PDK1: variants seen among roughly 807,000 people sequenced by gnomAD.
PDK1 encodes the protein pyruvate dehydrogenase kinase 1, also known as [Pyruvate dehydrogenase (acetyl-transferring)] kinase isozyme 1, mitochondrial.
PDK1 carries 39 observed loss-of-function variants against 54.2 expected under a neutral mutation model. The observed-to-expected ratio is 0.72, with a 90% CI of 0.56 to 0.94. The LOEUF is 0.94. Among genes scored for constraint, PDK1 ranks in the 40% least tolerant of loss-of-function variants. The pLI, the probability that PDK1 is intolerant of heterozygous loss-of-function variation, is 0.00. For missense variants in PDK1, 552 were observed against 566.0 expected, an observed-to-expected ratio of 0.98 and a Z score of 0.25; for synonymous variants, 221 against 207.1, an observed-to-expected ratio of 1.07 and a Z score of -0.58.
At chr2:172,686,597 C>T in the PDK1 span, among the ~76,000 whole-genome samples, 2 of 152,228 alleles carry the variant, frequency 1.3e-5, no homozygotes, top group African/African-American at 4.8e-5. Context: ...CAGCCTGCAG[C>T]AGCAACCTGC....
the PDK1 span, among the ~76,000 whole-genome samples, chr2:172,619,076 T>C: frequency 1.3e-5 from 2 of 152,216 alleles, no homozygotes; most frequent in African/African-American, 2.4e-5. Flanking sequence ...CATTTCTGTT[T>C]TAAGTCCTCA....
chr2:172,717,880 G>T, the PDK1 span, among the ~76,000 whole-genome samples: 2 of 152,158 alleles, frequency 1.3e-5, no homozygotes, highest in African/African-American at 2.4e-5. Context: ...GGAGCTAAGG[G>T]TGTTAGACAT....
At chr2:172,653,807 C>A in the PDK1 span, among the ~76,000 whole-genome samples, 1 of 151,998 alleles carries the variant, frequency 6.6e-6, no homozygotes, top group Non-Finnish European at 1.5e-5. Flanking sequence ...TTCTGCACAG[C>A]GAAAGAAACT....
chr2:172,664,355 T>C, the PDK1 span, among the ~76,000 whole-genome samples: 6 of 149,362 alleles, frequency 4.0e-5, no homozygotes, highest in African/African-American at 9.9e-5. Context: ...GCTTTATATG[T>C]TGGTTTTGAA....
At chr2:172,583,514 G>A (rs767643713) in intron 8 of PDK1, among the ~76,000 whole-genome samples, 5 of 151,616 alleles carry the variant, frequency 3.3e-5, no homozygotes, top group Non-Finnish European at 7.4e-5. Flanking sequence ...GGCTGGTCTC[G>A]AACTGCTGAC....
intron 3 of PDK1, chr2:172,562,771 T>C (rs781648596): frequency 1.5e-5 from 24 of 1,608,408 alleles, no homozygotes; most frequent in Non-Finnish European, 2.0e-5. Flanking sequence ...TGCAGGTCTC[T>C]AGTTTATGCT....
chr2:172,563,775 A>C (rs1165522444), intron 3 of PDK1, among the ~76,000 whole-genome samples: 1 of 152,046 alleles, frequency 6.6e-6, no homozygotes, highest in Non-Finnish European at 1.5e-5. Context: ...TGGAGGTTGC[A>C]GTGAGCCGAG....
At chr2:172,651,866 C>G in the PDK1 span, among the ~76,000 whole-genome samples, 1 of 152,212 alleles carries the variant, frequency 6.6e-6, no homozygotes, top group Non-Finnish European at 1.5e-5. Flanking sequence ...CAGACGGATT[C>G]ACAGCCGAAT....
chr2:172,687,836 C>T, the PDK1 span, among the ~76,000 whole-genome samples: 22 of 152,264 alleles, frequency 1.4e-4, no homozygotes, highest in South Asian at 4.4e-3. Context: ...TCAATTGCCC[C>T]GACAAGATGG....
rs1204963925 is a variant in PDK1, at chr2:172,603,806, T to G, written c.*7837T>G. 1.3e-5 allele frequency: 2 copies of G among 152,236 alleles called. No individual in the cohort carries two copies. The highest frequency in any genetic ancestry group is 2.9e-5 in the Non-Finnish European group (2 of 68,048). 9.4% of individuals were successfully genotyped at this position (152,236 alleles called of 1,614,324 possible). On this transcript the variant is annotated 3_prime_UTR_variant, in exon 11 of 11. Transcript: ENST00000282077. ...GGAAGGCCCTGATAAAACTTCATTA[T>G]TAATGTTCTGCATTAATTTAGCGGA...
the PDK1 span, among the ~76,000 whole-genome samples, chr2:172,711,006 G>A: frequency 6.6e-6 from 1 of 152,208 alleles, no homozygotes; most frequent in African/African-American, 2.4e-5. Flanking sequence ...AGTCCAACTG[G>A]TGGCTATGCC....
the PDK1 span, among the ~76,000 whole-genome samples, chr2:172,616,790 T>C: frequency 6.6e-6 from 1 of 152,226 alleles, no homozygotes; most frequent in Non-Finnish European, 1.5e-5. Context: ...TGCATCTAAA[T>C]TGGCTAGTAG....
intron 6 of PDK1, among the ~76,000 whole-genome samples, 179 bp downstream of exon 6, chr2:172,567,112 T>C (rs186223632): frequency 5.0e-4 from 76 of 152,394 alleles, no homozygotes; most frequent in Admixed American, 7.8e-4. Flanking sequence ...TCAGATTCTT[T>C]ATGAAAAGAT....
At chr2:172,658,994 T>C in the PDK1 span, among the ~76,000 whole-genome samples, 5 of 152,210 alleles carry the variant, frequency 3.3e-5, no homozygotes, top group African/African-American at 1.2e-4. Context: ...CTCAGAAGCA[T>C]GTGATCTTTG....
chr2:172,713,304 G>A, the PDK1 span, among the ~76,000 whole-genome samples: 1 of 152,174 alleles, frequency 6.6e-6, no homozygotes, highest in Non-Finnish European at 1.5e-5. Context: ...AGTACTGTAA[G>A]TTTTCACTCC....
At chr2:172,580,111 A>T (rs113578295) in intron 8 of PDK1, among the ~76,000 whole-genome samples, 2,918 of 151,692 alleles carry the variant, frequency 0.019, 104 homozygotes, top group African/African-American at 0.067. Context: ...TGTACCCTGC[A>T]TTGTCCGTTT....
the PDK1 span, among the ~76,000 whole-genome samples, chr2:172,637,426 A>G: frequency 6.7e-6 from 1 of 148,632 alleles, no homozygotes; most frequent in African/African-American, 2.4e-5. Context: ...CGTACCTGAT[A>G]CACCTTAACC....
the PDK1 span, among the ~76,000 whole-genome samples, chr2:172,722,890 A>T: frequency 1.3e-5 from 2 of 152,046 alleles, no homozygotes; most frequent in African/African-American, 4.8e-5. Context: ...TATAAATGAA[A>T]TTTAGACATC....
chr2:172,709,818 G>A, the PDK1 span, among the ~76,000 whole-genome samples: 5 of 152,236 alleles, frequency 3.3e-5, no homozygotes, highest in African/African-American at 9.6e-5. Context: ...GATGGGTCAC[G>A]GTGCATCTGT....
Sources: gnomAD v4.1 joint callset for allele counts (sites outside exome capture counted in the v4.1 genomes callset) on GRCh38, gnomAD v4.1.1 for gene constraint, MANE v1.5 for transcripts, NCBI Gene and HGNC (gene_info 2026-07-23, HGNC 2026-07-21) for gene names.